SLC1A3: variants seen among roughly 807,000 people sequenced by gnomAD.
The protein encoded by SLC1A3 is excitatory amino acid transporter 1.
SLC1A3 carries 21 observed loss-of-function variants against 48.1 expected under a neutral mutation model. That is an observed-to-expected ratio of 0.44 (90% CI 0.31 to 0.63). The LOEUF is 0.63. Ranked by LOEUF, SLC1A3 falls within the 20% of genes least tolerant of loss-of-function variation. The pLI is 0.08. For missense variants in SLC1A3, 546 were observed against 689.0 expected (o/e 0.79, Z 2.32); for synonymous variants, 239 against 251.4 (o/e 0.95, Z 0.47).
At chr5:36,621,292 G>A (rs1480973820) in intron 2 of SLC1A3, among the ~76,000 whole-genome samples, 1 of 152,182 alleles carries the variant, frequency 6.6e-6, no homozygotes, top group Non-Finnish European at 1.5e-5. Flanking sequence ...GGACCATAAA[G>A]GGGGATCCTG....
At chr5:36,643,780 G>T (rs1295702981) in intron 3 of SLC1A3, among the ~76,000 whole-genome samples, 1 of 152,052 alleles carries the variant, frequency 6.6e-6, no homozygotes, top group Non-Finnish European at 1.5e-5. Context: ...GGATCATGAG[G>T]TCAAGAGTTC....
chr5:36,627,534 A>G (rs1739959547), intron 2 of SLC1A3, among the ~76,000 whole-genome samples: 1 of 152,196 alleles, frequency 6.6e-6, no homozygotes, highest in African/African-American at 2.4e-5. Context: ...GCCTTCATAT[A>G]TTCATCATGA....
chr5:36,647,954 A>C (rs1346209492), intron 3 of SLC1A3, among the ~76,000 whole-genome samples: 1 of 152,190 alleles, frequency 6.6e-6, no homozygotes, highest in East Asian at 1.9e-4. Flanking sequence ...GGAGGAGACT[A>C]AAATCAGCTG....
chr5:36,652,483 T>C (rs915103552), intron 3 of SLC1A3, among the ~76,000 whole-genome samples: 1 of 152,168 alleles, frequency 6.6e-6, no homozygotes, highest in Admixed American at 6.5e-5. Context: ...CCCCTGCAGC[T>C]GAGTACAACA....
At chr5:36,612,600 A>AT (rs1561238415) in intron 2 of SLC1A3, 2 of 146,150 alleles carry the variant, frequency 1.4e-5, no homozygotes, top group African/African-American at 4.9e-5. Flanking sequence ...AAATAAGAAA[A>AT]AAAAAATAAT....
intron 5 of SLC1A3, among the ~76,000 whole-genome samples, chr5:36,675,529 T>A (rs1021017144): frequency 6.6e-6 from 1 of 152,184 alleles, no homozygotes; most frequent in African/African-American, 2.4e-5. Context: ...CCAGGTCTAG[T>A]TGGCTTAGAC....
intron 1 of SLC1A3, among the ~76,000 whole-genome samples, chr5:36,598,642 A>T (rs1271896407): frequency 6.6e-6 from 1 of 152,170 alleles, no homozygotes; most frequent in Admixed American, 6.5e-5. Flanking sequence ...AGCAAGTGAA[A>T]TTAATTTTTT....
chr5:36,634,873 A>T (rs1241291206), intron 3 of SLC1A3, among the ~76,000 whole-genome samples: 1 of 152,184 alleles, frequency 6.6e-6, no homozygotes, highest in African/African-American at 2.4e-5. Flanking sequence ...TTGTACCTCA[A>T]AGTACGGTCC....
chr5:36,608,084 C>A, intron 1 of SLC1A3: 1 of 252,270 alleles, frequency 4.0e-6, no homozygotes, highest in African/African-American at 2.2e-5. Context: ...CCTTTTATAG[C>A]CTCATTGGAA....
At chr5:36,665,043 A>G (rs1311284023) in intron 3 of SLC1A3, among the ~76,000 whole-genome samples, 2 of 151,194 alleles carry the variant, frequency 1.3e-5, no homozygotes, top group Non-Finnish European at 3.0e-5. Context: ...CTGGGTTTGC[A>G]TTGACACTCT....
chr5:36,611,735 G>C (rs951506674), intron 2 of SLC1A3, among the ~76,000 whole-genome samples: 1 of 152,144 alleles, frequency 6.6e-6, no homozygotes, highest in Non-Finnish European at 1.5e-5. Flanking sequence ...TGGGAAGAGT[G>C]GTTATTGTCT....
chr5:36,621,613 C>G (rs573636492), intron 2 of SLC1A3, among the ~76,000 whole-genome samples: 25 of 152,086 alleles, frequency 1.6e-4, no homozygotes, highest in African/African-American at 5.1e-4. Flanking sequence ...AATCTTGGAG[C>G]CTTCTTCATT....
At chr5:36,615,553 G>A (rs1188912878) in intron 2 of SLC1A3, among the ~76,000 whole-genome samples, 1 of 152,126 alleles carries the variant, frequency 6.6e-6, no homozygotes, top group Non-Finnish European at 1.5e-5. Flanking sequence ...GTGTTTCCTA[G>A]CCAGTGTTTG....
chr5:36,598,067 A>G (rs1453528176), intron 1 of SLC1A3, among the ~76,000 whole-genome samples: 1 of 152,152 alleles, frequency 6.6e-6, no homozygotes, highest in Non-Finnish European at 1.5e-5. Context: ...GAATCTGTAG[A>G]ATTCTGAGAG....
At chr5:36,617,933 T>C (rs1739512991) in intron 2 of SLC1A3, among the ~76,000 whole-genome samples, 1 of 152,198 alleles carries the variant, frequency 6.6e-6, no homozygotes, top group Non-Finnish European at 1.5e-5. Flanking sequence ...ATTCATAATG[T>C]TGATAAGTAT....
intron 6 of SLC1A3, among the ~76,000 whole-genome samples, chr5:36,678,709 G>A (rs1035151603): frequency 6.6e-6 from 1 of 152,180 alleles, no homozygotes; most frequent in Non-Finnish European, 1.5e-5. Context: ...TCCAGGCAGC[G>A]AGGCCTTTAA....
At position 36,617,539 on chromosome 5, in the gene SLC1A3, C is replaced by G. The variant is rs190323801; in HGVS notation, c.181+8935C>G. ...AAAGTATCTTATTGACCCCTGTCCC[C>G]CAAGGTTCCCGTTTATCTTGTTATT... On this transcript the variant is annotated intron_variant, in intron 2 of 9. Transcript: ENST00000265113. Among the ~76,000 whole-genome samples, 5 of 151,078 alleles carry G rather than the reference C, an allele frequency of 3.3e-5. No homozygotes were observed. In the East Asian group the frequency reaches 9.7e-4, roughly 29 times the overall value.
At chr5:36,606,150 A>G (rs770517184), upstream of SLC1A3, among the ~76,000 whole-genome samples, 3 of 152,222 alleles carry the variant, frequency 2.0e-5, no homozygotes, top group African/African-American at 4.8e-5. Context: ...ACTTGTCTGC[A>G]TTCAGTGTCT....
chr5:36,646,861 A>T (rs895950733), intron 3 of SLC1A3, among the ~76,000 whole-genome samples: 1 of 152,234 alleles, frequency 6.6e-6, no homozygotes, highest in African/African-American at 2.4e-5. Context: ...TGAGGAAAGG[A>T]TTCCTCACAT....
Sources: allele counts gnomAD v4.1 joint callset (sites outside exome capture counted in the v4.1 genomes callset), GRCh38; gene constraint gnomAD v4.1.1; transcripts MANE v1.5; gene names NCBI Gene and HGNC (gene_info 2026-07-23, HGNC 2026-07-21).